MAST2: variants seen among roughly 807,000 people sequenced by gnomAD.
MAST2 encodes the protein microtubule-associated serine/threonine-protein kinase 2.
In MAST2, 70 loss-of-function variants were observed where a neutral mutation model predicts 147.4. That is an observed-to-expected ratio of 0.47 (90% CI 0.39 to 0.58). MAST2 has a LOEUF of 0.58. Among genes scored for constraint, MAST2 ranks in the 20% least tolerant of loss-of-function variants. The probability of loss-of-function intolerance (pLI) is 0.00; values close to 1 mark genes in which losing one functional copy is unlikely to be tolerated. For synonymous variants in MAST2, 869 were observed against 896.8 expected, an observed-to-expected ratio of 0.97 and a Z score of 0.55; for missense variants, 2,080 against 2,302.3, an observed-to-expected ratio of 0.90 and a Z score of 1.98.
At chr1:45,824,172 AT>A (rs1644721670) in intron 1 of MAST2, among the ~76,000 whole-genome samples, 1 of 152,190 alleles carries the variant, frequency 6.6e-6, no homozygotes, top group African/African-American at 2.4e-5. Flanking sequence ...TATGAATACT[AT>A]ATCCTGTCAA....
chr1:45,944,142 T>C (rs76171988), intron 4 of MAST2, among the ~76,000 whole-genome samples: 5 of 152,216 alleles, frequency 3.3e-5, no homozygotes. Context: ...GAGCCATGAT[T>C]GTACCAACTA....
intron 5 of MAST2, among the ~76,000 whole-genome samples, chr1:45,986,080 G>C (rs1279783531): frequency 6.6e-6 from 1 of 152,188 alleles, no homozygotes; most frequent in African/African-American, 2.4e-5. Flanking sequence ...ATTTTGAATA[G>C]AAATGGTAAT....
At chr1:46,028,653 G>C (rs370530612) in intron 17 of MAST2, 115 bp from the exon 18 acceptor site, 1 of 1,062,912 alleles carries the variant, frequency 9.4e-7, no homozygotes, top group Admixed American at 2.0e-5. Context: ...ACTAAGGTGG[G>C]CTGAGTCTTC....
chr1:45,862,021 A>G (rs1479316477), intron 3 of MAST2, among the ~76,000 whole-genome samples: 1 of 152,130 alleles, frequency 6.6e-6, no homozygotes, highest in Non-Finnish European at 1.5e-5. Context: ...CTCTCTGGTT[A>G]CTCTTCTTCT....
chr1:46,032,732 G>A lies in MAST2; in HGVS notation c.3537+14G>A, dbSNP rs769127225. 6.8e-6 allele frequency: 11 copies of A among 1,608,500 alleles called. No homozygotes were observed. The highest frequency in any genetic ancestry group is 1.7e-5 in the Admixed American group (1 of 59,714). Reference sequence around the variant, plus strand: ...CTGATCCTGAAGGTTAGTGCTGGGCGTGCTGCCTGCATGGTCCCTGAATGA... The same window carrying A: ...CTGATCCTGAAGGTTAGTGCTGGGCATGCTGCCTGCATGGTCCCTGAATGA... On this transcript the variant is annotated intron_variant, in intron 26 of 28. Coordinates refer to ENST00000361297, the MANE Select transcript of MAST2 (RefSeq NM_015112.3).
At chr1:45,987,630 A>AT (rs2149095397) in intron 5 of MAST2, among the ~76,000 whole-genome samples, 1 of 150,946 alleles carries the variant, frequency 6.6e-6, no homozygotes, top group African/African-American at 2.4e-5. Flanking sequence ...GGTTTTATAC[A>AT]TTTTCTCTCT....
intron 4 of MAST2, among the ~76,000 whole-genome samples, chr1:45,920,848 A>AT (rs904274689): frequency 2.9e-4 from 43 of 150,728 alleles, no homozygotes; most frequent in East Asian, 7.8e-4. Flanking sequence ...ACACATGTTC[A>AT]TTTTTTTTTC....
At chr1:46,030,307 G>C in intron 21 of MAST2, 69 bp downstream of exon 21, 1 of 1,464,678 alleles carries the variant, frequency 6.8e-7, no homozygotes. Flanking sequence ...CTGTCAAAGG[G>C]CACACCTGGG....
intron 4 of MAST2, among the ~76,000 whole-genome samples, chr1:45,888,627 G>T (rs1647198679): frequency 1.4e-5 from 2 of 141,004 alleles, no homozygotes; most frequent in African/African-American, 2.6e-5. Flanking sequence ...CTCCCAAAGT[G>T]CTGGGATTAC....
intron 4 of MAST2, among the ~76,000 whole-genome samples, chr1:45,919,444 G>A (rs567661347): frequency 6.6e-6 from 1 of 152,286 alleles, no homozygotes; most frequent in South Asian, 2.1e-4. Flanking sequence ...TATTTGTTAA[G>A]CTTTTTGTTA....
chr1:45,982,261 TC>T (rs1644440816), intron 5 of MAST2, among the ~76,000 whole-genome samples: 1 of 152,190 alleles, frequency 6.6e-6, no homozygotes, highest in Admixed American at 6.5e-5. Flanking sequence ...ATTTCTGTGA[TC>T]TTTGGTCCAG....
In MAST2 at chr1:46,010,790, G is replaced by A. The variant is rs888773992; in HGVS notation, c.1039G>A (p.Val347Met). Residue 347 changes from valine (V) to methionine (M), a missense_variant, in exon 10 of 29, where the codon GTG becomes ATG. This residue lies in a region of MAST2 where 569 missense variants were observed against 642.5 expected (regional missense o/e 0.89). Coordinates refer to ENST00000361297, the MANE Select transcript of MAST2 (RefSeq NM_015112.3). ...EFISSNTPDS[V>M]LPLADGALSF... ...TATTTCCTCCAACACTCCAGACAGC[G>A]TGCTGCCCTTGGCAGATGGAGCCCT... 4.3e-5 allele frequency: 69 copies of A among 1,614,096 alleles called. No homozygotes were observed. The highest frequency in any genetic ancestry group is 1.6e-4 in the Middle Eastern group (1 of 6,068).
At chr1:45,933,153 T>A (rs1386306580) in intron 4 of MAST2, among the ~76,000 whole-genome samples, 1 of 132,526 alleles carries the variant, frequency 7.5e-6, no homozygotes, top group East Asian at 2.2e-4. Flanking sequence ...AGCCCAGGAG[T>A]TCAAGGTTGC....
chr1:45,941,972 T>C (rs1220388851), intron 4 of MAST2, among the ~76,000 whole-genome samples: 1 of 152,238 alleles, frequency 6.6e-6, no homozygotes, highest in Admixed American at 6.5e-5. Context: ...TTACCCACCA[T>C]TGCTTTTATA....
chr1:46,024,918 A>C (rs955654490), intron 15 of MAST2, among the ~76,000 whole-genome samples: 1 of 152,222 alleles, frequency 6.6e-6, no homozygotes, highest in African/African-American at 2.4e-5. Flanking sequence ...GTGGACTTAC[A>C]GTTCCATGTG....
At position 46,019,605 on chromosome 1, in the gene MAST2, CGCTCAGAGA is replaced by C; in HGVS notation, c.1206_1214del (p.Ser403_Glu405del). On this transcript the variant is annotated inframe_deletion, in exon 11 of 29. Coordinates refer to ENST00000361297, the MANE Select transcript of MAST2 (RefSeq NM_015112.3). ...CTTCTTTTCTCTATAGGCTCATGAG[CGCTCAGAGA>C]GCTCAGAAGTGGCTTTTGTGATGCA... is the stretch of plus-strand genomic sequence containing the variant. The C allele has an allele frequency of 1.2e-6, 2 of 1,613,880 alleles. No homozygotes were observed. Among genetic ancestry groups the C allele is most frequent in the Non-Finnish European group, 1.7e-6 (2 of 1,179,876 alleles).
At chr1:46,026,573 C>T (rs1646421605) in intron 16 of MAST2, among the ~76,000 whole-genome samples, 1 of 152,052 alleles carries the variant, frequency 6.6e-6, no homozygotes, top group African/African-American at 2.4e-5. Flanking sequence ...TGAAAAGAGA[C>T]ACTGAGACCA....
At chr1:46,013,510 A>G (rs1224061317) in intron 10 of MAST2, among the ~76,000 whole-genome samples, 1 of 151,936 alleles carries the variant, frequency 6.6e-6, no homozygotes, top group African/African-American at 2.4e-5. Context: ...GAGAAAACCC[A>G]TCTCTACTAA....
At chr1:45,905,117 T>G (rs1470267914) in intron 4 of MAST2, among the ~76,000 whole-genome samples, 1 of 151,742 alleles carries the variant, frequency 6.6e-6, no homozygotes, top group East Asian at 1.9e-4. Flanking sequence ...GGTCACAAAG[T>G]TACTTTTGTT....
Sources: allele counts gnomAD v4.1 joint callset (sites outside exome capture counted in the v4.1 genomes callset), GRCh38; gene constraint gnomAD v4.1.1; regional missense constraint gnomAD v4.1.1; transcripts MANE v1.5; gene names NCBI Gene and HGNC (gene_info 2026-07-23, HGNC 2026-07-21).